Variants in GRIA4 observed in about 807,000 individuals in gnomAD.
The protein encoded by GRIA4 is glutamate ionotropic receptor AMPA type subunit 4.
Under a neutral mutation model 104.0 loss-of-function variants are expected in GRIA4, and 34 were observed. The ratio of observed to expected loss-of-function variants is 0.33; its 90% CI spans 0.25 to 0.44. GRIA4 has a LOEUF of 0.44. Ranked by LOEUF, GRIA4 falls within the 20% of genes least tolerant of loss-of-function variation. The pLI is 1.00. For missense variants in GRIA4, 750 were observed against 1,096.5 expected (o/e 0.68, Z 4.46); for synonymous variants, 386 against 381.9 (o/e 1.01, Z -0.13).
chr11:105,873,455 G>T lies in GRIA4; in HGVS notation c.672+11247G>T, dbSNP rs674921. On this transcript the variant is annotated intron_variant, in intron 5 of 16. Transcript: ENST00000282499. ...ATATATACCCAGTAATGGGATTGCT[G>T]GGTCAAATGGTATTTCTGGTTCTAG... Among the ~76,000 whole-genome samples, 297 of 152,176 alleles carry T rather than the reference G, an allele frequency of 2.0e-3. 1 individual carries two copies. Among genetic ancestry groups the T allele is most frequent in the African/African-American group, 6.6e-3 (275 of 41,526 alleles).
intron 4 of GRIA4, among the ~76,000 whole-genome samples, chr11:105,786,799 A>G (rs1242734908): frequency 6.6e-6 from 1 of 152,218 alleles, no homozygotes; most frequent in Non-Finnish European, 1.5e-5. Flanking sequence ...GTTTTAATTG[A>G]ACCACTAGCA....
intron 4 of GRIA4, among the ~76,000 whole-genome samples, chr11:105,777,005 G>A (rs1192851920): frequency 6.6e-6 from 1 of 152,152 alleles, no homozygotes; most frequent in Non-Finnish European, 1.5e-5. Flanking sequence ...TATCCAGGGA[G>A]AAGAGTGTGA....
At chr11:105,868,654 A>G (rs1446264203) in intron 5 of GRIA4, among the ~76,000 whole-genome samples, 1 of 152,154 alleles carries the variant, frequency 6.6e-6, no homozygotes, top group Non-Finnish European at 1.5e-5. Flanking sequence ...CATGTCCCAG[A>G]GTTTGTTGTA....
chr11:105,808,438 T>C (rs76346871), intron 4 of GRIA4, among the ~76,000 whole-genome samples: 4,558 of 152,172 alleles, frequency 0.03, 134 homozygotes, highest in African/African-American at 0.077. Context: ...TGGGAAGTTA[T>C]GGTACTAAGA....
chr11:105,787,245 T>C (rs1247403335), intron 4 of GRIA4, among the ~76,000 whole-genome samples: 1 of 152,108 alleles, frequency 6.6e-6, no homozygotes, highest in Non-Finnish European at 1.5e-5. Context: ...AATTATTATA[T>C]AAACCTTTAT....
At chr11:105,809,639 C>T (rs1943094547) in intron 4 of GRIA4, among the ~76,000 whole-genome samples, 2 of 152,082 alleles carry the variant, frequency 1.3e-5, no homozygotes, top group South Asian at 4.1e-4. Context: ...TTCCCCTTTA[C>T]TTCACTCTCC....
chr11:105,820,401 T>C (rs1202898102), intron 4 of GRIA4, among the ~76,000 whole-genome samples: 1 of 152,048 alleles, frequency 6.6e-6, no homozygotes, highest in Non-Finnish European at 1.5e-5. Flanking sequence ...TCATAACCCT[T>C]CCTCAAACAT....
chr11:105,782,541 A>G (rs1228302094), intron 4 of GRIA4, among the ~76,000 whole-genome samples: 1 of 152,170 alleles, frequency 6.6e-6, no homozygotes, highest in Non-Finnish European at 1.5e-5. Context: ...AAAGTTATAG[A>G]GTTCAGTTTT....
intron 4 of GRIA4, chr11:105,824,807 A>T (rs1943707038): frequency 6.6e-6 from 1 of 152,124 alleles, no homozygotes; most frequent in Non-Finnish European, 1.5e-5. Flanking sequence ...TGTGGGGTAC[A>T]TAATCTACAG....
intron 3 of GRIA4, among the ~76,000 whole-genome samples, chr11:105,658,958 A>C (rs1194206697): frequency 6.6e-6 from 1 of 152,004 alleles, no homozygotes; most frequent in Non-Finnish European, 1.5e-5. Context: ...AACCCCAATA[A>C]AATGATATTC....
chr11:105,639,740 G>T (rs1202496639), intron 3 of GRIA4, among the ~76,000 whole-genome samples: 1 of 151,914 alleles, frequency 6.6e-6, no homozygotes, highest in Non-Finnish European at 1.5e-5. Flanking sequence ...ACATGATGCA[G>T]TTTCAACACA....
At chr11:105,975,352 CTA>C (rs993465472) in intron 16 of GRIA4, among the ~76,000 whole-genome samples, 5 of 138,642 alleles carry the variant, frequency 3.6e-5, no homozygotes, top group African/African-American at 1.3e-4. Context: ...TCATTACAAA[CTA>C]TTTTTTTTTT....
At chr11:105,636,380 A>C (rs1484541587) in intron 3 of GRIA4, among the ~76,000 whole-genome samples, 1 of 152,118 alleles carries the variant, frequency 6.6e-6, no homozygotes, top group Non-Finnish European at 1.5e-5. Flanking sequence ...GCCATTTTAC[A>C]TTTTGTTCAA....
At chr11:105,879,809 G>A (rs1945980276) in intron 5 of GRIA4, among the ~76,000 whole-genome samples, 1 of 152,138 alleles carries the variant, frequency 6.6e-6, no homozygotes, top group Admixed American at 6.6e-5. Flanking sequence ...GATAGACAAT[G>A]TTATTCTCAC....
At chr11:105,635,760 GACTT>G (rs1158550628) in intron 3 of GRIA4, among the ~76,000 whole-genome samples, 1 of 152,180 alleles carries the variant, frequency 6.6e-6, no homozygotes, top group African/African-American at 2.4e-5. Context: ...ATTAAGGACA[GACTT>G]TGGCCTTGAA....
chr11:105,944,400 G>A (rs1300966413), intron 14 of GRIA4, among the ~76,000 whole-genome samples: 1 of 152,034 alleles, frequency 6.6e-6, no homozygotes, highest in Non-Finnish European at 1.5e-5. Flanking sequence ...TCTCCTTCAT[G>A]TCTCACAGAA....
chr11:105,835,597 GATTTTT>G (rs941768169), intron 4 of GRIA4, among the ~76,000 whole-genome samples: 5 of 151,940 alleles, frequency 3.3e-5, no homozygotes, highest in Non-Finnish European at 7.4e-5. Flanking sequence ...TAAAGCCATG[GATTTTT>G]ATTAAATGAT....
chr11:105,807,908 A>C (rs1212841288), intron 4 of GRIA4, among the ~76,000 whole-genome samples: 2 of 151,878 alleles, frequency 1.3e-5, no homozygotes, highest in Non-Finnish European at 2.9e-5. Flanking sequence ...GTTTAGCTTC[A>C]AATAATCTGT....
chr11:105,778,833 G>A (rs910962844), intron 4 of GRIA4, among the ~76,000 whole-genome samples: 5 of 151,790 alleles, frequency 3.3e-5, no homozygotes, highest in Non-Finnish European at 7.4e-5. Flanking sequence ...TGCGCACAAC[G>A]TGCAAGTTTG....
Sources: allele counts gnomAD v4.1 joint callset (sites outside exome capture counted in the v4.1 genomes callset), GRCh38; gene constraint gnomAD v4.1.1; transcripts MANE v1.5; gene names NCBI Gene and HGNC (gene_info 2026-07-23, HGNC 2026-07-21).